Variants in FBXW10B observed in about 807,000 individuals in gnomAD.
FBXW10B encodes F-box and WD repeat domain containing protein 10B.
chr17:15,568,191 T>C, the FBXW10B span, among the ~76,000 whole-genome samples: 1 of 152,302 alleles, frequency 6.6e-6, no homozygotes, highest in African/African-American at 2.4e-5. Flanking sequence ...CACACGTGCA[T>C]TAAAAGGACA....
At chr17:15,598,439 G>C in the FBXW10B span, 663 of 1,606,610 alleles carry the variant, frequency 4.1e-4, no homozygotes, top group Non-Finnish European at 4.8e-4. Flanking sequence ...GAATAAATGA[G>C]TGCCTGCCTA....
At chr17:15,575,193 G>C in the FBXW10B span, among the ~76,000 whole-genome samples, 30,277 of 128,866 alleles carry the variant, frequency 0.23, 1,327 homozygotes, top group East Asian at 0.35. Flanking sequence ...TTTGCCCTAG[G>C]AGATTATAGC....
chr17:15,604,550 T>C, the FBXW10B span, among the ~76,000 whole-genome samples: 1 of 152,288 alleles, frequency 6.6e-6, no homozygotes, highest in African/African-American at 2.4e-5. Context: ...TTTGGGTTTT[T>C]TTGAGATGGA....
the FBXW10B span, among the ~76,000 whole-genome samples, chr17:15,601,418 A>G: frequency 1.3e-5 from 2 of 151,504 alleles, no homozygotes; most frequent in South Asian, 4.2e-4. Flanking sequence ...CAAAAAAAAA[A>G]AAAAAAAAAA....
chr17:15,576,804 C>T, the FBXW10B span, among the ~76,000 whole-genome samples: 1 of 149,984 alleles, frequency 6.7e-6, no homozygotes, highest in Admixed American at 6.7e-5. Context: ...GAATTGGGGT[C>T]AGTCAATACC....
the FBXW10B span, among the ~76,000 whole-genome samples, chr17:15,611,615 G>A: frequency 6.6e-6 from 1 of 152,046 alleles, no homozygotes; most frequent in Non-Finnish European, 1.5e-5. Flanking sequence ...GCCCCTACAG[G>A]TCATATGAAC....
chr17:15,589,370 C>T, the FBXW10B span: 2 of 915,200 alleles, frequency 2.2e-6, no homozygotes, highest in African/African-American at 3.4e-5. Flanking sequence ...AAAGAAAGTA[C>T]CTGAAGCTAT....
At chr17:15,598,784 C>T in the FBXW10B span, 2 of 1,408,146 alleles carry the variant, frequency 1.4e-6, no homozygotes, top group Non-Finnish European at 1.9e-6. Context: ...AGTCAGGGGC[C>T]TGGATTTGAA....
the FBXW10B span, among the ~76,000 whole-genome samples, chr17:15,599,173 C>CAAAAA: frequency 0.015 from 1,056 of 68,434 alleles, 42 homozygotes; most frequent in East Asian, 0.046. Context: ...GACTCTGTCT[C>CAAAAA]AAAAAAAAAA....
At chr17:15,604,868 C>T in the FBXW10B span, among the ~76,000 whole-genome samples, 4,322 of 152,216 alleles carry the variant, frequency 0.028, 79 homozygotes, top group East Asian at 0.13. Flanking sequence ...TATTTTGCCT[C>T]TATAGTCTGT....
At chr17:15,611,767 G>T in the FBXW10B span, among the ~76,000 whole-genome samples, 77 of 144,228 alleles carry the variant, frequency 5.3e-4, no homozygotes, top group African/African-American at 1.5e-3. Flanking sequence ...TTAAGCAGGT[G>T]GGGGGGCGCA....
chr17:15,612,463 A>G, the FBXW10B span, among the ~76,000 whole-genome samples: 34 of 152,132 alleles, frequency 2.2e-4, no homozygotes, highest in South Asian at 5.8e-3. Flanking sequence ...GCAGTGAGCC[A>G]AGACTGTGCC....
chr17:15,594,791 C>G, the FBXW10B span: 1 of 1,613,986 alleles, frequency 6.2e-7, no homozygotes, highest in Non-Finnish European at 8.5e-7. Flanking sequence ...TACTTCCCCA[C>G]CATGCTCCAG....
At chr17:15,578,631 G>A in the FBXW10B span, among the ~76,000 whole-genome samples, 1 of 152,026 alleles carries the variant, frequency 6.6e-6, no homozygotes, top group Non-Finnish European at 1.5e-5. Context: ...GTAATGGAGG[G>A]ATTCGGTAGT....
chr17:15,605,477 G>A, the FBXW10B span: 2 of 1,319,450 alleles, frequency 1.5e-6, no homozygotes, highest in African/African-American at 1.6e-5. Context: ...TGTCCCTCCT[G>A]GGACTGACTT....
At chr17:15,606,597 A>T in the FBXW10B span, among the ~76,000 whole-genome samples, 687 of 130,736 alleles carry the variant, frequency 5.3e-3, 5 homozygotes, top group African/African-American at 0.023. Flanking sequence ...GTGTATATAC[A>T]TATATTTTTA....
chr17:15,578,199 A>G, the FBXW10B span, among the ~76,000 whole-genome samples: 4 of 151,842 alleles, frequency 2.6e-5, no homozygotes, highest in African/African-American at 9.7e-5. Context: ...ATCCTGAAGA[A>G]GCATTTTTTG....
the FBXW10B span, chr17:15,565,737 G>A: frequency 7.4e-6 from 12 of 1,613,936 alleles, no homozygotes; most frequent in South Asian, 3.3e-5. Flanking sequence ...TCAACAGCAC[G>A]AACTCAGCGT....
chr17:15,613,800 G>T, the FBXW10B span: 1 of 1,611,200 alleles, frequency 6.2e-7, no homozygotes, highest in Non-Finnish European at 8.5e-7. Context: ...GAGGGGAGGT[G>T]TCTGGGAAAT....
Sources: allele counts gnomAD v4.1 joint callset (sites outside exome capture counted in the v4.1 genomes callset), GRCh38; gene constraint gnomAD v4.1.1; transcripts MANE v1.5; gene names NCBI Gene and HGNC (gene_info 2026-07-23, HGNC 2026-07-21).